ZMYM5: variants seen among roughly 807,000 people sequenced by gnomAD.
ZMYM5 encodes zinc finger MYM-type protein 5.
Under a neutral mutation model 61.8 loss-of-function variants are expected in ZMYM5, and 41 were observed. The observed-to-expected ratio is 0.66, with a 90% CI of 0.52 to 0.86. ZMYM5 has a LOEUF of 0.86. Among genes scored for constraint, ZMYM5 ranks in the 40% least tolerant of loss-of-function variants. The probability of loss-of-function intolerance (pLI) is 0.00; values close to 1 mark genes in which losing one functional copy is unlikely to be tolerated. For missense variants in ZMYM5, 706 were observed against 786.7 expected (o/e 0.90, Z 1.23); for synonymous variants, 257 against 276.4 (o/e 0.93, Z 0.70).
At chr13:19,830,443 C>T (rs868268191) in intron 7 of ZMYM5, among the ~76,000 whole-genome samples, 2 of 152,106 alleles carry the variant, frequency 1.3e-5, no homozygotes, top group South Asian at 2.1e-4. Context: ...GACGTGATCT[C>T]GGCTCACTGC....
Position 19,852,167 on chromosome 13 carries a change from G to C in ZMYM5, c.14C>G (p.Ser5Ter), listed in dbSNP as rs1285992901. 7.5e-6 allele frequency: 12 copies of C among 1,592,076 alleles called. No homozygotes were observed. In the East Asian group the frequency reaches 2.7e-4, roughly 36 times the overall value. ...TTCAGTCAACTCTAATCCTCCCACT[G>C]AACATTTTTCCATGCCAATGAACCT... MEKC[S>*]VGGLELTEQT... The change falls in exon 3 of 8, where the codon TCA becomes TGA. Residue 5 changes from serine (S) to a stop codon, truncating the protein, a stop_gained. Coordinates refer to ENST00000337963, the MANE Select transcript of ZMYM5 (RefSeq NM_001142684.2). LOFTEE classifies it high-confidence loss of function.
chr13:19,827,700 AT>A (rs1593840451), intron 7 of ZMYM5, among the ~76,000 whole-genome samples: 2 of 152,220 alleles, frequency 1.3e-5, no homozygotes, highest in East Asian at 3.9e-4. Context: ...CAATAAAATT[AT>A]AATAAAAAAA....
At chr13:19,855,406 G>A (rs886809616) in intron 2 of ZMYM5, among the ~76,000 whole-genome samples, 1 of 151,866 alleles carries the variant, frequency 6.6e-6, no homozygotes, top group African/African-American at 2.4e-5. Context: ...GGGACTACAG[G>A]TGCCTGTCAC....
At chr13:19,832,214 A>G (rs932195322) in intron 7 of ZMYM5, among the ~76,000 whole-genome samples, 2 of 152,006 alleles carry the variant, frequency 1.3e-5, no homozygotes, top group African/African-American at 2.4e-5. Flanking sequence ...AAAATTTATA[A>G]TCTACGTGTA....
At chr13:19,853,628 T>G (rs1039136749) in intron 2 of ZMYM5, among the ~76,000 whole-genome samples, 1 of 151,516 alleles carries the variant, frequency 6.6e-6, no homozygotes, top group Non-Finnish European at 1.5e-5. Flanking sequence ...TTTTTTTTTT[T>G]GTCCTGTCTC....
intron 4 of ZMYM5, among the ~76,000 whole-genome samples, chr13:19,839,781 T>A (rs1183714184): frequency 3.3e-5 from 5 of 152,206 alleles, no homozygotes; most frequent in Non-Finnish European, 7.3e-5. Context: ...CAAAATACTT[T>A]AGACGCAGTA....
intron 6 of ZMYM5, among the ~76,000 whole-genome samples, chr13:19,837,183 TA>T (rs2138518915): frequency 6.6e-6 from 1 of 152,170 alleles, no homozygotes; most frequent in Non-Finnish European, 1.5e-5. Flanking sequence ...CACACCCAGC[TA>T]ATTTTTGTAT....
intron 4 of ZMYM5, among the ~76,000 whole-genome samples, chr13:19,846,805 T>C (rs1202648574): frequency 6.6e-6 from 1 of 151,230 alleles, no homozygotes; most frequent in Non-Finnish European, 1.5e-5. Flanking sequence ...CATGCACTTG[T>C]AGTCTCAGCT....
intron 7 of ZMYM5, among the ~76,000 whole-genome samples, chr13:19,834,924 A>G (rs1329601230): frequency 6.6e-6 from 1 of 151,580 alleles, no homozygotes; most frequent in Non-Finnish European, 1.5e-5. Flanking sequence ...CCTGGCCCCA[A>G]GTGATCTGCC....
At chr13:19,835,028 G>A (rs1952630925) in intron 7 of ZMYM5, among the ~76,000 whole-genome samples, 1 of 146,598 alleles carries the variant, frequency 6.8e-6, no homozygotes, top group Non-Finnish European at 1.5e-5. Flanking sequence ...CTTTCGCTCT[G>A]TTGCCTAGTT....
chr13:19,839,866 T>C (rs972197386), intron 4 of ZMYM5, among the ~76,000 whole-genome samples: 1 of 152,204 alleles, frequency 6.6e-6, no homozygotes, highest in Non-Finnish European at 1.5e-5. Flanking sequence ...GATTGTGGAT[T>C]ACTCAGGAAA....
intron 2 of ZMYM5, among the ~76,000 whole-genome samples, chr13:19,861,494 C>T (rs1953759067): frequency 6.6e-6 from 1 of 151,998 alleles, no homozygotes; most frequent in Admixed American, 6.6e-5. Context: ...CTAAGTTTAA[C>T]TAATTAAAGA....
chr13:19,856,222 T>C (rs1284511394), intron 2 of ZMYM5, among the ~76,000 whole-genome samples: 1 of 152,218 alleles, frequency 6.6e-6, no homozygotes, highest in East Asian at 1.9e-4. Flanking sequence ...GGGCAAATTA[T>C]GTCACCTGAG....
At chr13:19,859,388 G>C (rs548909238) in intron 2 of ZMYM5, among the ~76,000 whole-genome samples, 1 of 151,918 alleles carries the variant, frequency 6.6e-6, no homozygotes, top group Non-Finnish European at 1.5e-5. Context: ...TTTAGTTCCC[G>C]TTTTTTGTTT....
chr13:19,837,409 C>T, intron 6 of ZMYM5: 1 of 1,490,806 alleles, frequency 6.7e-7, no homozygotes, highest in South Asian at 1.3e-5. Context: ...CACCATAAAA[C>T]AATTGCCTTG....
chr13:19,858,799 C>G (rs1953607838), intron 2 of ZMYM5, among the ~76,000 whole-genome samples: 2 of 152,106 alleles, frequency 1.3e-5, no homozygotes, highest in Non-Finnish European at 2.9e-5. Context: ...AGCCAAGAAA[C>G]ATTCTGATTT....
chr13:19,850,151 CA>C (rs992660695), intron 4 of ZMYM5, among the ~76,000 whole-genome samples: 4 of 151,792 alleles, frequency 2.6e-5, no homozygotes, highest in African/African-American at 9.7e-5. Flanking sequence ...ATAAAAGCAA[CA>C]AAAAGGCATT....
chr13:19,862,623 A>G (rs1396511897), intron 1 of ZMYM5, among the ~76,000 whole-genome samples, 157 bp from the exon 2 acceptor site: 1 of 152,122 alleles, frequency 6.6e-6, no homozygotes, highest in Non-Finnish European at 1.5e-5. Flanking sequence ...TTGAAAAAAA[A>G]GAACTATAGG....
chr13:19,837,326 G>C, intron 6 of ZMYM5: 1 of 948,598 alleles, frequency 1.1e-6, no homozygotes, highest in East Asian at 4.5e-5. Flanking sequence ...GCCCCAAGGG[G>C]TAGTTTTCCA....
Sources: allele counts gnomAD v4.1 joint callset (sites outside exome capture counted in the v4.1 genomes callset), GRCh38; gene constraint gnomAD v4.1.1; transcripts MANE v1.5; gene names NCBI Gene and HGNC (gene_info 2026-07-23, HGNC 2026-07-21).